Variants in NMBR observed in about 807,000 individuals in gnomAD.
The protein encoded by NMBR is neuromedin-B receptor.
NMBR carries 16 observed loss-of-function variants against 20.5 expected under a neutral mutation model. The observed-to-expected ratio is 0.78, with a 90% CI of 0.53 to 1.19. The LOEUF (loss-of-function observed/expected upper bound fraction) is 1.19. NMBR is among the 50% of genes most tolerant of loss of function. NMBR has a pLI of 0.00. For synonymous variants in NMBR, 212 were observed against 196.6 expected, an observed-to-expected ratio of 1.08 and a Z score of -0.65; for missense variants, 582 against 499.1, an observed-to-expected ratio of 1.17 and a Z score of -1.58.
chr6:142,084,817 G>A (rs2114562071), intron 2 of NMBR, among the ~76,000 whole-genome samples: 1 of 152,268 alleles, frequency 6.6e-6, no homozygotes, highest in South Asian at 2.1e-4. Context: ...CCAACCAGGA[G>A]CAAAATATGG....
At chr6:142,079,123 AAAG>A (rs1400889830) in intron 2 of NMBR, among the ~76,000 whole-genome samples, 1,074 of 78,138 alleles carry the variant, frequency 0.014, 45 homozygotes, top group African/African-American at 0.075. Context: ...AGAAAGAAAG[AAAG>A]AAGAAAGAAA....
At chr6:142,115,619 C>T (rs1433862471) in intron 1 of NMBR, among the ~76,000 whole-genome samples, 1 of 92,152 alleles carries the variant, frequency 1.1e-5, no homozygotes, top group Middle Eastern at 8.2e-3. Flanking sequence ...TAAGGCTAGA[C>T]CTGAACTACA....
chr6:142,138,424 T>G (rs891687708), intron 1 of NMBR, among the ~76,000 whole-genome samples: 2 of 152,094 alleles, frequency 1.3e-5, no homozygotes, highest in Admixed American at 6.6e-5. Flanking sequence ...CATTAAAAAA[T>G]TCGTATAAAA....
intron 1 of NMBR, among the ~76,000 whole-genome samples, chr6:142,129,131 T>C (rs62430473): frequency 0.16 from 24,001 of 151,140 alleles, 2,416 homozygotes; most frequent in Non-Finnish European, 0.23. Context: ...CACCACAAGG[T>C]CTTAAATGCT....
At chr6:142,090,160 A>G (rs986793357) in intron 1 of NMBR, among the ~76,000 whole-genome samples, 2 of 152,162 alleles carry the variant, frequency 1.3e-5, no homozygotes, top group Non-Finnish European at 2.9e-5. Context: ...GTCTAATGTA[A>G]ACTGATCAGA....
intron 1 of NMBR, among the ~76,000 whole-genome samples, chr6:142,138,479 G>A (rs1217953570): frequency 2.0e-5 from 3 of 152,074 alleles, no homozygotes; most frequent in Admixed American, 6.6e-5. Flanking sequence ...ACTCTAGCAC[G>A]TGAGCTATAA....
At chr6:142,092,666 T>C (rs574976213) in intron 1 of NMBR, among the ~76,000 whole-genome samples, 17 of 152,276 alleles carry the variant, frequency 1.1e-4, no homozygotes, top group African/African-American at 4.1e-4. Flanking sequence ...AGCTCTACCA[T>C]CGCTCTATCT....
At position 142,130,193 on chromosome 6, in the gene NMBR, TC is replaced by T. The variant is rs141214296; in HGVS notation, c.-664+16850del. 3.7e-3 allele frequency among the ~76,000 whole-genome samples: 560 copies of T among 152,174 alleles called. 3 individuals are homozygous for T. Among genetic ancestry groups the T allele is most frequent in the African/African-American group, 0.012 (497 of 41,512 alleles). Reference sequence around the variant, plus strand: ...AATAAGGTCAAAGTTTATTTCCCCCTCACTTACCCATGTTTCAGCAATCAAT... The same window carrying T: ...AATAAGGTCAAAGTTTATTTCCCCCTACTTACCCATGTTTCAGCAATCAAT... On this transcript the variant is annotated intron_variant, in intron 1 of 3. Coordinates refer to ENST00000258042, the MANE Select transcript of NMBR (RefSeq NM_002511.4).
At chr6:142,135,621 A>G (rs1778240480) in intron 1 of NMBR, among the ~76,000 whole-genome samples, 1 of 149,344 alleles carries the variant, frequency 6.7e-6, no homozygotes, top group African/African-American at 2.5e-5. Flanking sequence ...CATTAGGTAT[A>G]TCTCCTAATG....
intron 1 of NMBR, among the ~76,000 whole-genome samples, chr6:142,114,088 T>C (rs547311014): frequency 1.3e-5 from 2 of 152,278 alleles, no homozygotes; most frequent in East Asian, 3.9e-4. Context: ...AGCCTATATA[T>C]ACATGCAGCT....
intron 1 of NMBR, among the ~76,000 whole-genome samples, chr6:142,146,506 A>G (rs959879239): frequency 6.6e-6 from 1 of 152,174 alleles, no homozygotes; most frequent in Admixed American, 6.6e-5. Context: ...CTACTGTACA[A>G]TGGTTAAGAG....
chr6:142,084,744 G>T (rs1014646324), intron 2 of NMBR, among the ~76,000 whole-genome samples: 23 of 152,224 alleles, frequency 1.5e-4, no homozygotes, highest in Admixed American at 1.2e-3. Flanking sequence ...AAGAATCAAA[G>T]AAATAACATT....
At position 142,086,781 on chromosome 6, in the gene NMBR, A is replaced by G. The variant is rs1296409277; in HGVS notation, c.422+1456T>C. 2.0e-5 allele frequency among the ~76,000 whole-genome samples: 3 copies of G among 152,204 alleles called. No homozygotes were observed. The East Asian group carries it at 5.8e-4, about 29-fold the overall frequency. Reference sequence around the variant, plus strand: ...TAAATGGTCATGTGTCGCCATGACAATAGATTGTAAAAACTGGTGTGAAAT... The same window carrying G: ...TAAATGGTCATGTGTCGCCATGACAGTAGATTGTAAAAACTGGTGTGAAAT... On this transcript the variant is annotated intron_variant, in intron 2 of 3. Coordinates refer to ENST00000258042, the MANE Select transcript of NMBR (RefSeq NM_002511.4).
At chr6:142,103,715 A>G (rs937826370) in intron 1 of NMBR, among the ~76,000 whole-genome samples, 3 of 152,176 alleles carry the variant, frequency 2.0e-5, no homozygotes, top group Non-Finnish European at 2.9e-5. Flanking sequence ...GACTTGCACC[A>G]TGGAGTTTAT....
chr6:142,094,922 T>C (rs900514311), intron 1 of NMBR, among the ~76,000 whole-genome samples: 2 of 152,214 alleles, frequency 1.3e-5, no homozygotes, highest in South Asian at 2.1e-4. Context: ...CAATTGTGAA[T>C]GGGAATTCAC....
At chr6:142,107,534 C>G (rs1015910038) in intron 1 of NMBR, among the ~76,000 whole-genome samples, 1 of 152,104 alleles carries the variant, frequency 6.6e-6, no homozygotes, top group Non-Finnish European at 1.5e-5. Context: ...GTAGTGACAT[C>G]AGAGGTTGAA....
chr6:142,115,753 G>T (rs1347819249), intron 1 of NMBR, among the ~76,000 whole-genome samples: 1 of 152,014 alleles, frequency 6.6e-6, no homozygotes, highest in African/African-American at 2.4e-5. Flanking sequence ...TGCTCCTGTG[G>T]TCATCAAATT....
intron 1 of NMBR, chr6:142,134,908 C>T: frequency 5.3e-6 from 3 of 565,412 alleles, no homozygotes; most frequent in Admixed American, 3.4e-5. Flanking sequence ...ATTATACTTT[C>T]CATTCAGACA....
chr6:142,076,835 T>C (rs1345839847), intron 3 of NMBR, among the ~76,000 whole-genome samples: 1 of 152,208 alleles, frequency 6.6e-6, no homozygotes, highest in East Asian at 1.9e-4. Context: ...GGAATACCAA[T>C]TTATTGAAAG....
Sources: gnomAD v4.1 joint callset for allele counts (sites outside exome capture counted in the v4.1 genomes callset) on GRCh38, gnomAD v4.1.1 for gene constraint, MANE v1.5 for transcripts, NCBI Gene and HGNC (gene_info 2026-07-23, HGNC 2026-07-21) for gene names.